The following ARL2 variants were observed in gnomAD, a reference collection of about 807,000 sequenced individuals.
ARL2 encodes ARF like GTPase 2.
ARL2 carries 11 observed loss-of-function variants against 22.0 expected under a neutral mutation model. The ratio of observed to expected loss-of-function variants is 0.50; its 90% CI spans 0.31 to 0.83. The LOEUF (loss-of-function observed/expected upper bound fraction) is 0.83, where lower values mean the gene tolerates loss of function less well. Among genes scored for constraint, ARL2 ranks in the 40% least tolerant of loss-of-function variants. ARL2 has a pLI of 0.04. For synonymous variants in ARL2, 111 were observed against 100.8 expected, an observed-to-expected ratio of 1.10 and a Z score of -0.61; for missense variants, 216 against 243.2, an observed-to-expected ratio of 0.89 and a Z score of 0.74.
chr11:65,015,561 G>A (rs1565180001), intron 1 of ARL2, among the ~76,000 whole-genome samples: 2 of 136,468 alleles, frequency 1.5e-5, no homozygotes, highest in East Asian at 1.9e-4. Context: ...TCTGTAATGC[G>A]TGTGTGTGTG....
chr11:65,020,449 G>A lies in ARL2; in HGVS notation c.370G>A (p.Ala124Thr), dbSNP rs768131237. The change falls in exon 4 of 5, where the codon GCT (alanine) becomes ACT (threonine). Residue 124 changes from alanine to threonine, a missense_variant. By Grantham distance (58) the Ala-to-Thr change is moderately conservative (BLOSUM62 0). Transcript: ENST00000246747. ...RLAGATLLIF[A>T]NKQDLPGALS... ...GGCCGGAGCAACCCTCCTCATCTTTGCTAATAAGCAGGACCTGCCTGGAGC... is the reference window on the plus strand; with the variant it reads ...GGCCGGAGCAACCCTCCTCATCTTTACTAATAAGCAGGACCTGCCTGGAGC... 2.5e-6 allele frequency: 4 copies of A among 1,612,824 alleles called. No homozygotes were observed. The highest frequency in any genetic ancestry group is 3.4e-6 in the Non-Finnish European group (4 of 1,179,578).
chr11:65,018,786 A>T lies in ARL2; in HGVS notation c.339+53A>T. ...TGTATGGACGTGTGGCTGCCTTCTC[A>T]GCAGATGCCCAGAGGGGCCCGTGGC... On this transcript the variant is annotated intron_variant, in intron 3 of 4. Coordinates refer to ENST00000246747, the MANE Select transcript of ARL2 (RefSeq NM_001667.4). This position sits in a 1 kb window ranked among gnomAD's most constrained non-coding sequence, Gnocchi z 4.2. 1 of 1,606,652 alleles carries T rather than the reference A, an allele frequency of 6.2e-7. No individual in the cohort carries two copies. The highest frequency in any genetic ancestry group is 8.5e-7 in the Non-Finnish European group (1 of 1,178,704).
At chr11:65,014,421 G>C (rs1168873097) in intron 1 of ARL2, 149 bp downstream of exon 1, 1 of 625,926 alleles carries the variant, frequency 1.6e-6, no homozygotes, top group East Asian at 3.5e-5. Context: ...TCGCCCCGTC[G>C]GGCCGGGAGG....
At chr11:65,021,097 A>G (rs1348045899) in intron 4 of ARL2, among the ~76,000 whole-genome samples, 1 of 152,146 alleles carries the variant, frequency 6.6e-6, no homozygotes, top group Admixed American at 6.5e-5. Flanking sequence ...TGCATGGATT[A>G]ACTCATTTCA....
At chr11:65,014,857 C>A (rs901616485) in intron 1 of ARL2, among the ~76,000 whole-genome samples, 1 of 152,254 alleles carries the variant, frequency 6.6e-6, no homozygotes, top group African/African-American at 2.4e-5. Flanking sequence ...CGCACCTGTT[C>A]CCCCAGCTCT....
chr11:65,018,297 G>A lies in ARL2; in HGVS notation c.66-67G>A. On this transcript the variant is annotated intron_variant, in intron 1 of 4. Transcript: ENST00000246747. This position sits in a 1 kb window ranked among gnomAD's most constrained non-coding sequence, Gnocchi z 4.2. ...TGGTGGGAAATAATGAGTCCCCTAA[G>A]GGGCTCTGCAACAATGTCACCACCT... is the stretch of plus-strand genomic sequence containing the variant. 7.5e-7 allele frequency: 1 copy of A among 1,342,172 alleles called. No individual in the cohort carries two copies. Among genetic ancestry groups the A allele is most frequent in the Non-Finnish European group, 1.0e-6 (1 of 962,428 alleles). 83.1% of individuals were successfully genotyped at this position (1,342,172 alleles called of 1,614,324 possible).
chr11:65,020,808 G>A (rs1946318832), intron 4 of ARL2, among the ~76,000 whole-genome samples: 1 of 151,264 alleles, frequency 6.6e-6, no homozygotes, highest in African/African-American at 2.4e-5. Context: ...CGTGGAGGTT[G>A]CAGTGAGCCA....
In ARL2 at chr11:65,014,234, G is replaced by C; in HGVS notation, c.27G>C (p.Lys9Asn). 6.3e-7 allele frequency: 1 copy of C among 1,574,978 alleles called. No individual in the cohort carries two copies. ...TGGGGCTCCTGACCATTCTGAAGAA[G>C]ATGAAGCAGAAAGAGCGGGAGCTGC... The part of the protein sequence containing the change: MGLLTILK[K>N]MKQKERELRL... Residue 9 changes from lysine to asparagine, a missense_variant, in exon 1 of 5, where the codon AAG becomes AAC. Transcript: ENST00000246747.
In ARL2 at chr11:65,021,922, G is replaced by C; in HGVS notation, c.*67G>C. 6.4e-7 allele frequency: 1 copy of C among 1,563,674 alleles called. No homozygotes were observed. Among genetic ancestry groups the C allele is most frequent in the South Asian group, 1.1e-5 (1 of 87,420 alleles). On this transcript the variant is annotated 3_prime_UTR_variant, in exon 5 of 5. Transcript: ENST00000246747. ...ACCTTCACCAAACACTACCCATGGG[G>C]GGTTGGGAGTCAGCCGGCCAAACTA...
chr11:65,014,195 G>T lies in ARL2; in HGVS notation c.-13G>T. 1.3e-6 allele frequency: 2 copies of T among 1,556,354 alleles called. No homozygotes were observed. The highest frequency in any genetic ancestry group is 1.7e-6 in the Non-Finnish European group (2 of 1,156,974). On this transcript the variant is annotated 5_prime_UTR_variant, in exon 1 of 5. Transcript: ENST00000246747. Reference sequence around the variant, plus strand: ...TGGGAAGAAACGGCGGCCGGGAGGGGGCTCCGGGGACCATGGGGCTCCTGA... The same window carrying T: ...TGGGAAGAAACGGCGGCCGGGAGGGTGCTCCGGGGACCATGGGGCTCCTGA...
intron 4 of ARL2, among the ~76,000 whole-genome samples, chr11:65,020,883 A>G (rs568278707): frequency 3.9e-5 from 6 of 151,950 alleles, no homozygotes; most frequent in Non-Finnish European, 7.4e-5. Flanking sequence ...AAAAAAAAAA[A>G]AAAGAAAGAA....
At chr11:65,017,713 G>A (rs922518799) in intron 1 of ARL2, among the ~76,000 whole-genome samples, 4 of 152,114 alleles carry the variant, frequency 2.6e-5, no homozygotes, top group African/African-American at 7.2e-5. Flanking sequence ...AAAGGTGGTC[G>A]AGTCCAGGAC....
At chr11:65,017,651 C>T (rs773681641) in intron 1 of ARL2, among the ~76,000 whole-genome samples, 1 of 152,148 alleles carries the variant, frequency 6.6e-6, no homozygotes, top group Non-Finnish European at 1.5e-5. Flanking sequence ...GAAATGCCCT[C>T]CTCACCCCTC....
chr11:65,014,277 C>CCT lies in ARL2; in HGVS notation c.65+6_65+7dup. ...GGAGCTGCGACTGCTCATGCTGTAT[C>CCT]CTACCGGACGCCGGAACCGCGAGGG... On this transcript the variant is annotated splice_donor_region_variant and intron_variant, in intron 1 of 4. Transcript: ENST00000246747. The CCT allele has an allele frequency of 1.3e-6, 2 of 1,550,924 alleles. No homozygotes were observed. The highest frequency in any genetic ancestry group is 1.7e-6 in the Non-Finnish European group (2 of 1,153,650).
intron 4 of ARL2, 135 bp from the exon 5 acceptor site, chr11:65,021,586 G>T: frequency 8.5e-7 from 1 of 1,179,302 alleles, no homozygotes. Context: ...GACCGGCGGG[G>T]CTTCCTGGAT....
At position 65,018,537 on chromosome 11, in the gene ARL2, C is replaced by T; in HGVS notation, c.177-34C>T. ...GGGCAGGGAAGGTGGGAGAGGGGCC[C>T]AGCTGACCCTCCTGTCACCCGCTCC... On this transcript the variant is annotated intron_variant, in intron 2 of 4. Transcript: ENST00000246747. This position sits in a 1 kb window ranked among gnomAD's most constrained non-coding sequence, Gnocchi z 4.2. 2.5e-6 allele frequency: 4 copies of T among 1,601,436 alleles called. No individual in the cohort carries two copies. The highest frequency in any genetic ancestry group is 3.4e-6 in the Non-Finnish European group (4 of 1,173,658).
chr11:65,020,135 A>G (rs1946309999), intron 3 of ARL2, among the ~76,000 whole-genome samples: 1 of 152,148 alleles, frequency 6.6e-6, no homozygotes, highest in Non-Finnish European at 1.5e-5. Context: ...ATCTTATGCA[A>G]CACCCCTCCC....
chr11:65,018,516 A>G lies in ARL2; in HGVS notation c.176+42A>G. The stretch of plus-strand genomic sequence containing the variant: ...TGGGAGGGCCAGCCCAGAGCAGGGC[A>G]GGGAAGGTGGGAGAGGGGCCCAGCT... On this transcript the variant is annotated intron_variant, in intron 2 of 4. Transcript: ENST00000246747. This position sits in a 1 kb window ranked among gnomAD's most constrained non-coding sequence, Gnocchi z 4.2. 1 of 1,602,430 alleles carries G rather than the reference A, an allele frequency of 6.2e-7. No homozygotes were observed. The highest frequency in any genetic ancestry group is 8.5e-7 in the Non-Finnish European group (1 of 1,174,420).
At chr11:65,019,067 C>T (rs1946295590) in intron 3 of ARL2, 1 of 735,852 alleles carries the variant, frequency 1.4e-6, no homozygotes, top group South Asian at 1.8e-5. Flanking sequence ...GCTCAAGAGT[C>T]TGACTCTTTG....
Sources: allele counts gnomAD v4.1 joint callset (sites outside exome capture counted in the v4.1 genomes callset), GRCh38; gene constraint gnomAD v4.1.1; non-coding constraint Gnocchi (gnomAD v3.1); transcripts MANE v1.5; gene names NCBI Gene and HGNC (gene_info 2026-07-23, HGNC 2026-07-21).